The following EMC2 variants were observed in gnomAD, a reference collection of about 807,000 sequenced individuals.
EMC2 encodes ER membrane protein complex subunit 2, also known as TPR repeat protein 35.
In EMC2, 37 loss-of-function variants were observed where a neutral mutation model predicts 51.6. That is an observed-to-expected ratio of 0.72 (90% CI 0.55 to 0.94). The LOEUF (loss-of-function observed/expected upper bound fraction) is 0.94. Among genes scored for constraint, EMC2 ranks in the 40% least tolerant of loss-of-function variants. The pLI is 0.00. For synonymous variants in EMC2, 131 were observed against 112.4 expected (o/e 1.17, Z -1.04); for missense variants, 359 against 350.9 (o/e 1.02, Z -0.18).
At chr8:108,461,946 C>A (rs1471718589) in intron 5 of EMC2, among the ~76,000 whole-genome samples, 5 of 151,866 alleles carry the variant, frequency 3.3e-5, no homozygotes, top group African/African-American at 1.2e-4. Flanking sequence ...GTAGCTGGGA[C>A]TACAGGCACG....
chr8:108,476,306 C>T (rs969891268), intron 8 of EMC2, among the ~76,000 whole-genome samples: 5 of 151,646 alleles, frequency 3.3e-5, no homozygotes, highest in African/African-American at 1.2e-4. Flanking sequence ...TGTATTAAAG[C>T]CAATTGGGAC....
intron 5 of EMC2, among the ~76,000 whole-genome samples, chr8:108,467,499 C>G (rs902520895): frequency 6.6e-6 from 1 of 151,206 alleles, no homozygotes; most frequent in Non-Finnish European, 1.5e-5. Flanking sequence ...CAGGTGCACA[C>G]CACCACGCTC....
In EMC2 at chr8:108,470,069, G is replaced by T; in HGVS notation, c.457G>T (p.Gly153Ter). Residue 153 changes from glycine (G) to a stop codon, truncating the protein, a stop_gained, in exon 7 of 11, where the codon GGA (glycine) becomes TGA (stop). Transcript: ENST00000220853. LOFTEE classifies it high-confidence loss of function. ...ELNEYLEQFV[G>*]DQEAWHELAE... is the part of the protein sequence containing the mutation. ...TTCTTTTCCTCTCACCAGATTTGTTGGAGACCAAGAAGCCTGGCATGAACT... is the reference window on the plus strand; with the variant it reads ...TTCTTTTCCTCTCACCAGATTTGTTTGAGACCAAGAAGCCTGGCATGAACT... 6.2e-7 allele frequency: 1 copy of T among 1,612,508 alleles called. No homozygotes were observed. Among genetic ancestry groups the T allele is most frequent in the South Asian group, 1.1e-5 (1 of 91,012 alleles).
In EMC2 at chr8:108,487,660, A is replaced by C. The variant is rs538080292; in HGVS notation, c.*1062A>C. 6.6e-6 allele frequency among the ~76,000 whole-genome samples: 1 copy of C among 152,196 alleles called. No homozygotes were observed. Among genetic ancestry groups the C allele is most frequent in the Non-Finnish European group, 1.5e-5 (1 of 67,974 alleles). On this transcript the variant is annotated 3_prime_UTR_variant, in exon 11 of 11. Transcript: ENST00000220853. ...TTAAATTTATTTTTACTAAAAATAT[A>C]CAGAGGCATCTACAGACTTGTCATT... is the stretch of plus-strand genomic sequence containing the variant.
intron 7 of EMC2, chr8:108,470,767 C>T (rs909366908): frequency 6.6e-6 from 1 of 152,000 alleles, no homozygotes. Flanking sequence ...ATGCTAACCT[C>T]CATCTAGAGG....
chr8:108,454,157 A>G (rs923256045), intron 4 of EMC2, among the ~76,000 whole-genome samples: 27 of 152,070 alleles, frequency 1.8e-4, no homozygotes, highest in African/African-American at 5.6e-4. Flanking sequence ...TTTTAAATCC[A>G]CTTTGATAGT....
chr8:108,452,223 C>T (rs1019834513), intron 3 of EMC2, among the ~76,000 whole-genome samples: 29 of 152,058 alleles, frequency 1.9e-4, no homozygotes, highest in African/African-American at 6.0e-4. Flanking sequence ...GTATTCCATC[C>T]GTTTAATGTC....
intron 5 of EMC2, among the ~76,000 whole-genome samples, chr8:108,456,888 A>T (rs1380646971): frequency 6.6e-6 from 1 of 152,200 alleles, no homozygotes; most frequent in South Asian, 2.1e-4. Flanking sequence ...ATTTTTAAAA[A>T]TTTTAAACAA....
chr8:108,452,384 T>C (rs1394838607), intron 3 of EMC2, among the ~76,000 whole-genome samples: 1 of 152,044 alleles, frequency 6.6e-6, no homozygotes, highest in Non-Finnish European at 1.5e-5. Context: ...CTGGCCAACA[T>C]GTTGAAACCC....
Position 108,485,731 on chromosome 8 carries a change from G to A in EMC2, c.808-781G>A, listed in dbSNP as rs201590013. On this transcript the variant is annotated intron_variant, in intron 10 of 10. Coordinates refer to ENST00000220853, the MANE Select transcript of EMC2 (RefSeq NM_014673.5). ...GTATTCAACAGTGTTTCCCTCCAGC[G>A]GTTATGTGTATGATATTGAATTTAA... Among the ~76,000 whole-genome samples, 9 of 150,290 alleles carry A rather than the reference G, an allele frequency of 6.0e-5. No homozygotes were observed. The East Asian group carries it at 7.8e-4, about 13-fold the overall frequency.
At chr8:108,486,286 A>G (rs1400732944) in intron 10 of EMC2, among the ~76,000 whole-genome samples, 1 of 151,928 alleles carries the variant, frequency 6.6e-6, no homozygotes, top group Non-Finnish European at 1.5e-5. Flanking sequence ...AAACTGGCCA[A>G]GTGTGCAGTG....
intron 10 of EMC2, among the ~76,000 whole-genome samples, chr8:108,480,717 T>C (rs994617499): frequency 6.6e-6 from 1 of 152,200 alleles, no homozygotes; most frequent in Non-Finnish European, 1.5e-5. Flanking sequence ...CCATCTCTCC[T>C]TCTTGCCCTG....
chr8:108,450,185 G>T (rs530923004), intron 2 of EMC2, among the ~76,000 whole-genome samples: 2 of 152,112 alleles, frequency 1.3e-5, no homozygotes, highest in African/African-American at 2.4e-5. Context: ...AAAATGTATT[G>T]TGTATGGACT....
intron 3 of EMC2, among the ~76,000 whole-genome samples, chr8:108,452,440 G>T (rs1039133265): frequency 3.3e-5 from 5 of 152,088 alleles, no homozygotes; most frequent in African/African-American, 4.8e-5. Context: ...GGTGACAGGC[G>T]CCTGTAGTCC....
chr8:108,452,404 T>G (rs1819049551), intron 3 of EMC2, among the ~76,000 whole-genome samples: 1 of 152,032 alleles, frequency 6.6e-6, no homozygotes, highest in Non-Finnish European at 1.5e-5. Flanking sequence ...CCGTCTCTAC[T>G]AAAAATACAA....
In EMC2 at chr8:108,486,676, C is replaced by T. The variant is rs905934288; in HGVS notation, c.*78C>T. 2 of 1,396,888 alleles carry T rather than the reference C, an allele frequency of 1.4e-6. No individual in the cohort carries two copies. The highest frequency in any genetic ancestry group is 1.9e-6 in the Non-Finnish European group (2 of 1,028,584). 86.5% of individuals were successfully genotyped at this position (1,396,888 alleles called of 1,614,324 possible). A position where few individuals can be genotyped will look rare whatever the true frequency, so the allele number is the denominator to read the frequency against. The stretch of plus-strand genomic sequence containing the variant: ...TGGCCTGTAACTTATTTACTAAATG[C>T]TCAGTGCTATTTATATACTACAGTA... On this transcript the variant is annotated 3_prime_UTR_variant, in exon 11 of 11. Transcript: ENST00000220853.
chr8:108,448,185 A>G (rs1246127699), intron 1 of EMC2, among the ~76,000 whole-genome samples: 1 of 152,218 alleles, frequency 6.6e-6, no homozygotes, highest in Non-Finnish European at 1.5e-5. Flanking sequence ...TATTTTATGT[A>G]ATCTTAACTG....
chr8:108,479,268 A>C (rs560297817), intron 10 of EMC2, among the ~76,000 whole-genome samples, 158 bp downstream of exon 10: 1 of 152,086 alleles, frequency 6.6e-6, no homozygotes, highest in Non-Finnish European at 1.5e-5. Flanking sequence ...TAGTTTTAAG[A>C]TTACCTTTTT....
intron 10 of EMC2, among the ~76,000 whole-genome samples, chr8:108,485,362 A>G (rs34393164): frequency 0.023 from 3,460 of 149,658 alleles, 56 homozygotes; most frequent in South Asian, 0.046. Context: ...GATGTTGCTA[A>G]TACCAAGTAT....
Sources: allele counts gnomAD v4.1 joint callset (sites outside exome capture counted in the v4.1 genomes callset), GRCh38; gene constraint gnomAD v4.1.1; transcripts MANE v1.5; gene names NCBI Gene and HGNC (gene_info 2026-07-23, HGNC 2026-07-21).